ITPKB: variants seen among roughly 807,000 people sequenced by gnomAD.
The protein encoded by ITPKB is IP3 3-kinase B.
Under a neutral mutation model 69.4 loss-of-function variants are expected in ITPKB, and 13 were observed. The ratio of observed to expected loss-of-function variants is 0.19; its 90% CI spans 0.12 to 0.30. The LOEUF (loss-of-function observed/expected upper bound fraction) is 0.30, where lower values mean the gene tolerates loss of function less well. Among genes scored for constraint, ITPKB ranks in the 10% least tolerant of loss-of-function variants. The pLI is 1.00. For missense variants in ITPKB, 1,240 were observed against 1,250.5 expected, an observed-to-expected ratio of 0.99 and a Z score of 0.13; for synonymous variants, 584 against 513.7, an observed-to-expected ratio of 1.14 and a Z score of -1.85.
At chr1:226,718,250 C>T (rs1353613732) in intron 2 of ITPKB, among the ~76,000 whole-genome samples, 2 of 145,200 alleles carry the variant, frequency 1.4e-5, no homozygotes, top group African/African-American at 5.2e-5. Flanking sequence ...GCCAAGATCG[C>T]ACCACTGCAC....
intron 2 of ITPKB, among the ~76,000 whole-genome samples, chr1:226,691,663 CT>C (rs1656355747): frequency 1.3e-5 from 2 of 152,192 alleles, no homozygotes; most frequent in Non-Finnish European, 1.5e-5. Context: ...AGACTGAGGT[CT>C]TTAGGAAAAC....
At position 226,737,180 on chromosome 1, in the gene ITPKB, G is replaced by GCTGCTGCCGCTGCCA. The variant is rs745430537; in HGVS notation, c.264_278dup (p.Gly91_Ser95dup). On this transcript the variant is annotated inframe_insertion, in exon 2 of 8. Transcript: ENST00000429204. ...AACTTGGGCTGCTCACGCTACTGCC[G>GCTGCTGCCGCTGCCA]CTGCTGCCGCTGCCACTGCCGCTGC... The GCTGCTGCCGCTGCCA allele has an allele frequency of 1.9e-4, 154 of 822,776 alleles. No homozygotes were observed. The highest frequency in any genetic ancestry group is 2.5e-4 in the Non-Finnish European group (151 of 609,874). The allele number at this position is 822,776 out of a possible 1,614,324, so 51.0% of individuals were successfully genotyped here.
intron 2 of ITPKB, among the ~76,000 whole-genome samples, chr1:226,688,740 T>C (rs1656275898): frequency 6.6e-6 from 1 of 152,212 alleles, no homozygotes; most frequent in Non-Finnish European, 1.5e-5. Context: ...CAACAATCTT[T>C]GTACCCTTCT....
chr1:226,736,855 T>G lies in ITPKB; in HGVS notation c.604A>C (p.Thr202Pro). 6.2e-7 allele frequency: 1 copy of G among 1,611,918 alleles called. No individual in the cohort carries two copies. Among genetic ancestry groups the G allele is most frequent in the South Asian group, 1.1e-5 (1 of 91,084 alleles). ...GGACATTGCTCCCCCCAGGACTTTG[T>G]CCTCCGTTCCTCGCTCCGGGCGCCC... Reference protein sequence around the residue: ...VQGARSEERRTKSWGEQCPET... With the variant: ...VQGARSEERRPKSWGEQCPET... Residue 202 changes from threonine to proline, a missense_variant, in exon 2 of 8, where the codon ACA becomes CCA. Transcript: ENST00000429204.
chr1:226,729,769 G>A (rs749537039), intron 2 of ITPKB, among the ~76,000 whole-genome samples: 65 of 151,866 alleles, frequency 4.3e-4, no homozygotes, highest in Non-Finnish European at 6.8e-4. Context: ...AGTAGATTTA[G>A]TATTTTTAGT....
intron 2 of ITPKB, among the ~76,000 whole-genome samples, chr1:226,670,681 C>T (rs1012801946): frequency 7.2e-5 from 11 of 152,182 alleles, no homozygotes; most frequent in Admixed American, 5.2e-4. Flanking sequence ...TGTACTAATA[C>T]GCATTTCTGC....
chr1:226,694,987 T>C (rs973990860), intron 2 of ITPKB, among the ~76,000 whole-genome samples: 49 of 152,240 alleles, frequency 3.2e-4, no homozygotes, highest in Non-Finnish European at 1.6e-4. Flanking sequence ...CCCAGCACTC[T>C]GGGAAGCCAA....
At chr1:226,689,741 G>C (rs1316792389) in intron 2 of ITPKB, among the ~76,000 whole-genome samples, 1 of 152,104 alleles carries the variant, frequency 6.6e-6, no homozygotes, top group Non-Finnish European at 1.5e-5. Context: ...GTACCCATTA[G>C]TTATTTCCCC....
chr1:226,662,078 G>T (rs1571846622), intron 2 of ITPKB, among the ~76,000 whole-genome samples: 2 of 152,124 alleles, frequency 1.3e-5, no homozygotes, highest in South Asian at 4.1e-4. Context: ...AGCCTGGCAG[G>T]AGAGCCACTA....
At chr1:226,649,328 T>C (rs1016020647) in intron 2 of ITPKB, among the ~76,000 whole-genome samples, 11 of 142,210 alleles carry the variant, frequency 7.7e-5, no homozygotes, top group Non-Finnish European at 1.5e-4. Flanking sequence ...TGTGCATGAG[T>C]GTGTGCGTAT....
rs1657759395 is a variant in ITPKB at position 226,736,314 on chromosome 1, G to A, written c.1145C>T (p.Pro382Leu). The A allele has an allele frequency of 1.9e-6, 3 of 1,610,094 alleles. No individual in the cohort carries two copies. Among genetic ancestry groups the A allele is most frequent in the Admixed American group, 3.4e-5 (2 of 59,296 alleles). The change falls in exon 2 of 8, where the codon CCG (proline) becomes CTG (leucine). Residue 382 changes from proline (P) to leucine (L), a missense_variant. Coordinates refer to ENST00000429204, the MANE Select transcript of ITPKB (RefSeq NM_002221.4). ...MGKGYLPCGM[P>L]GSGEPEVGKR... ...GCCCACTTCAGGCTCCCCAGAGCCC[G>A]GCATGCCACAGGGCAGATATCCTTT...
At chr1:226,719,475 CCA>C (rs1400461034) in intron 2 of ITPKB, among the ~76,000 whole-genome samples, 1 of 152,142 alleles carries the variant, frequency 6.6e-6, no homozygotes, top group East Asian at 1.9e-4. Flanking sequence ...CAGGGAGGTG[CCA>C]CACCCTTCAC....
chr1:226,650,028 C>T (rs975324796), intron 2 of ITPKB, among the ~76,000 whole-genome samples: 1 of 152,132 alleles, frequency 6.6e-6, no homozygotes, highest in African/African-American at 2.4e-5. Context: ...AGCTAAACCA[C>T]GGAGAGCAGA....
In ITPKB at chr1:226,721,173, G is replaced by A. The variant is rs559911368; in HGVS notation, c.1932+14354C>T. On this transcript the variant is annotated intron_variant, in intron 2 of 7. Transcript: ENST00000429204. ...AACCTGACCAACATGGAGAAACCCC[G>A]TCTCTACTAAAAAAAAAATACAAAA... 2.1e-5 allele frequency among the ~76,000 whole-genome samples: 3 copies of A among 145,650 alleles called. No individual in the cohort carries two copies. The South Asian group carries it at 6.6e-4, about 32-fold the overall frequency.
Position 226,687,282 on chromosome 1 carries a change from T to C in ITPKB, c.1933-38511A>G, listed in dbSNP as rs183465680. Among the ~76,000 whole-genome samples, 305 of 152,330 alleles carry C rather than the reference T, an allele frequency of 2.0e-3. 2 individuals carry two copies. The highest frequency in any genetic ancestry group is 3.5e-3 in the Non-Finnish European group (239 of 68,032). On this transcript the variant is annotated intron_variant, in intron 2 of 7. Transcript: ENST00000429204. Reference sequence around the variant, plus strand: ...CCATGAGATATAGAACCGTAAGTTATTCATAAGAGAGCTCTTCAGAGTCAT... The same window carrying C: ...CCATGAGATATAGAACCGTAAGTTACTCATAAGAGAGCTCTTCAGAGTCAT...
At chr1:226,670,295 C>T (rs748374131) in intron 2 of ITPKB, among the ~76,000 whole-genome samples, 12 of 151,384 alleles carry the variant, frequency 7.9e-5, no homozygotes, top group Non-Finnish European at 1.0e-4. Flanking sequence ...AGACACATGA[C>T]CTTTTGGGAA....
intron 2 of ITPKB, among the ~76,000 whole-genome samples, chr1:226,669,884 G>T (rs1320140106): frequency 3.8e-4 from 57 of 148,188 alleles, no homozygotes; most frequent in Admixed American, 1.5e-3. Context: ...TTTTGTTTTT[G>T]TTTTTCTGAG....
chr1:226,675,601 T>C (rs1176626426), intron 2 of ITPKB, among the ~76,000 whole-genome samples: 1 of 152,178 alleles, frequency 6.6e-6, no homozygotes, highest in East Asian at 1.9e-4. Context: ...TTAGTCCCAG[T>C]TCTGCGATTT....
rs1668983209 is a variant in ITPKB, at chr1:226,642,544, T to A, written c.2247-419A>T. Among the ~76,000 whole-genome samples, 1 of 151,822 alleles carries A rather than the reference T, an allele frequency of 6.6e-6. No individual in the cohort carries two copies. The highest frequency in any genetic ancestry group is 2.4e-5 in the African/African-American group (1 of 41,282). The stretch of plus-strand genomic sequence containing the variant: ...TGCCTTCACTTTCACTCCAAGCCCA[T>A]CGGCTGGCCTCACAAAGCCCAAGGA... On this transcript the variant is annotated intron_variant, in intron 4 of 7. Coordinates refer to ENST00000429204, the MANE Select transcript of ITPKB (RefSeq NM_002221.4). This position sits in a 1 kb window ranked among gnomAD's most constrained non-coding sequence, Gnocchi z 6.4.
Sources: gnomAD v4.1 joint callset for allele counts (sites outside exome capture counted in the v4.1 genomes callset) on GRCh38, gnomAD v4.1.1 for gene constraint, Gnocchi (gnomAD v3.1) non-coding constraint, MANE v1.5 for transcripts, NCBI Gene and HGNC (gene_info 2026-07-23, HGNC 2026-07-21) for gene names.